The following PCDHGA3 variants were observed in gnomAD, a reference collection of about 807,000 sequenced individuals.
PCDHGA3 encodes the protein protocadherin gamma-A3.
PCDHGA3 carries 40 observed loss-of-function variants against 58.5 expected under a neutral mutation model. That is an observed-to-expected ratio of 0.68 (90% CI 0.53 to 0.89). The LOEUF is 0.89. Among genes scored for constraint, PCDHGA3 ranks in the 40% least tolerant of loss-of-function variants. The pLI, the probability that PCDHGA3 is intolerant of heterozygous loss-of-function variation, is 0.00. For missense variants in PCDHGA3, 1,223 were observed against 1,195.9 expected (o/e 1.02, Z -0.33); for synonymous variants, 530 against 525.7 (o/e 1.01, Z -0.11).
At chr5:141,463,900 C>G (rs879243077) in intron 1 of PCDHGA3, among the ~76,000 whole-genome samples, 4 of 152,168 alleles carry the variant, frequency 2.6e-5, no homozygotes, top group Admixed American at 2.6e-4. Context: ...GCTTTTTGTA[C>G]TAATAATATA....
intron 1 of PCDHGA3, chr5:141,375,127 T>C (rs368439130): frequency 2.5e-6 from 4 of 1,613,808 alleles, no homozygotes; most frequent in African/African-American, 1.3e-5. Flanking sequence ...CAGAAGTGGT[T>C]GTTACATCTG....
At position 141,495,009 on chromosome 5, in the gene PCDHGA3, G is replaced by A; in HGVS notation, c.2483+144G>A. 6 of 1,518,622 alleles carry A rather than the reference G, an allele frequency of 4.0e-6. No homozygotes were observed. The South Asian group carries it at 6.2e-5, about 16-fold the overall frequency. The allele number at this position is 1,518,622 out of a possible 1,614,324, so 94.1% of individuals were successfully genotyped here. ...TCCCAGGGAGGTCTTGGTGTGCGGG[G>A]GGCTGGCACACAGACCCCGGAAGGA... is the stretch of plus-strand genomic sequence containing the variant. On this transcript the variant is annotated intron_variant, in intron 2 of 3. Coordinates refer to ENST00000253812, the MANE Select transcript of PCDHGA3 (RefSeq NM_018916.4).
At chr5:141,418,878 A>G (rs1193526475) in intron 1 of PCDHGA3, 2 of 1,613,930 alleles carry the variant, frequency 1.2e-6, no homozygotes, top group Non-Finnish European at 8.5e-7. Context: ...GTTGTAGACG[A>G]AAACGACAAC....
In PCDHGA3 at chr5:141,489,200, G is replaced by A. The variant is rs1483035320; in HGVS notation, c.2425-5607G>A. The A allele has an allele frequency of 2.8e-6, 4 of 1,412,792 alleles. No individual in the cohort carries two copies. The highest frequency in any genetic ancestry group is 3.9e-6 in the Non-Finnish European group (4 of 1,038,374). The allele number at this position is 1,412,792 out of a possible 1,614,324, so 87.5% of individuals were successfully genotyped here. A position where few individuals can be genotyped will look rare whatever the true frequency, so the allele number is the denominator to read the frequency against. On this transcript the variant is annotated intron_variant, in intron 1 of 3. Coordinates refer to ENST00000253812, the MANE Select transcript of PCDHGA3 (RefSeq NM_018916.4). This position sits in a 1 kb window ranked among gnomAD's most constrained non-coding sequence, Gnocchi z 4.5. ...AAGCCCTGGGTCTACCTTGGAGACAGGACAGCACAGACTTACTCTCCACAA... is the reference window on the plus strand; with the variant it reads ...AAGCCCTGGGTCTACCTTGGAGACAAGACAGCACAGACTTACTCTCCACAA...
chr5:141,413,166 C>A (rs758193163), intron 1 of PCDHGA3: 3 of 1,590,396 alleles, frequency 1.9e-6, no homozygotes, highest in South Asian at 2.3e-5. Flanking sequence ...AATTCTGTAA[C>A]CAGACTACAA....
intron 1 of PCDHGA3, chr5:141,352,508 C>T (rs774085547): frequency 1.2e-6 from 2 of 1,614,022 alleles, no homozygotes; most frequent in Non-Finnish European, 8.5e-7. Flanking sequence ...TTCCTACAAT[C>T]TATGTATTGC....
intron 1 of PCDHGA3, chr5:141,385,051 C>T (rs1222079447): frequency 2.5e-6 from 4 of 1,614,036 alleles, no homozygotes; most frequent in Admixed American, 1.7e-5. Flanking sequence ...CAGGCTGCGG[C>T]GCTGGCACAA....
chr5:141,350,782 C>T (rs1588483338), intron 1 of PCDHGA3: 2 of 1,613,836 alleles, frequency 1.2e-6, no homozygotes, highest in East Asian at 2.2e-5. Flanking sequence ...CCAATCAATA[C>T]TTCTCTCTGT....
intron 1 of PCDHGA3, among the ~76,000 whole-genome samples, chr5:141,472,516 G>T (rs545962540): frequency 2.0e-5 from 3 of 152,072 alleles, no homozygotes; most frequent in Non-Finnish European, 4.4e-5. Flanking sequence ...CTCCAGCCTG[G>T]GTGACAGAGT....
chr5:141,423,832 T>G, intron 1 of PCDHGA3: 113 of 1,253,376 alleles, frequency 9.0e-5, no homozygotes, highest in East Asian at 2.6e-4. Context: ...TTTCATGAGA[T>G]TACGATAATC....
intron 1 of PCDHGA3, among the ~76,000 whole-genome samples, chr5:141,460,951 G>GTATATA (rs200454978): frequency 7.2e-6 from 1 of 139,722 alleles, no homozygotes; most frequent in African/African-American, 2.8e-5. Flanking sequence ...TATGTATTAT[G>GTATATA]TATATATATA....
intron 1 of PCDHGA3, chr5:141,409,276 G>T: frequency 6.2e-7 from 1 of 1,614,000 alleles, no homozygotes; most frequent in Non-Finnish European, 8.5e-7. Flanking sequence ...AGATTTTGGA[G>T]AATTCACCTC....
intron 1 of PCDHGA3, chr5:141,423,883 A>T (rs1211746978): frequency 1.6e-6 from 2 of 1,283,342 alleles, no homozygotes; most frequent in Admixed American, 7.5e-5. Context: ...CAATCTTGGC[A>T]TATTTTCTTT....
chr5:141,489,210 G>C lies in PCDHGA3; in HGVS notation c.2425-5597G>C. ...TCTACCTTGGAGACAGGACAGCACA[G>C]ACTTACTCTCCACAAAGGGACTTCT... On this transcript the variant is annotated intron_variant, in intron 1 of 3. Coordinates refer to ENST00000253812, the MANE Select transcript of PCDHGA3 (RefSeq NM_018916.4). This position sits in a 1 kb window ranked among gnomAD's most constrained non-coding sequence, Gnocchi z 4.5. 6.8e-7 allele frequency: 1 copy of C among 1,461,860 alleles called. No individual in the cohort carries two copies. Among genetic ancestry groups the C allele is most frequent in the African/African-American group, 1.4e-5 (1 of 70,802 alleles). 90.6% of individuals were successfully genotyped at this position (1,461,860 alleles called of 1,614,324 possible).
In PCDHGA3 at chr5:141,471,046, CTTT is replaced by C. The variant is rs1170588345; in HGVS notation, c.2425-23743_2425-23741del. ...ATTTTTATTAACAAGCCCAAGCCCT[CTTT>C]TTTTTTTTTTTTTTTTTGAGACAGG... On this transcript the variant is annotated intron_variant, in intron 1 of 3. Coordinates refer to ENST00000253812, the MANE Select transcript of PCDHGA3 (RefSeq NM_018916.4). 4.8e-4 allele frequency among the ~76,000 whole-genome samples: 54 copies of C among 113,240 alleles called. 1 individual carries two copies. Among genetic ancestry groups the C allele is most frequent in the Middle Eastern group, 5.2e-3 (1 of 192 alleles). 74.3% of individuals were successfully genotyped at this position (113,240 alleles called of 152,430 possible).
At chr5:141,484,863 G>T (rs561595169) in intron 1 of PCDHGA3, 136 of 273,782 alleles carry the variant, frequency 5.0e-4, no homozygotes, top group African/African-American at 2.8e-3. Context: ...GGGGGTGGGG[G>T]AGCGTGGAGG....
chr5:141,389,914 C>G (rs754458764), intron 1 of PCDHGA3: 1 of 1,614,074 alleles, frequency 6.2e-7, no homozygotes, highest in Non-Finnish European at 8.5e-7. Flanking sequence ...ACTGACCGCC[C>G]CGACCCCTCT....
At chr5:141,428,613 C>T (rs1247239314) in intron 1 of PCDHGA3, 1 of 212,608 alleles carries the variant, frequency 4.7e-6, no homozygotes, top group African/African-American at 2.3e-5. Flanking sequence ...AAGAGAATAA[C>T]AAGATAAGCT....
chr5:141,421,443 GAC>G (rs771422215), intron 1 of PCDHGA3: 47 of 1,613,988 alleles, frequency 2.9e-5, no homozygotes, highest in Non-Finnish European at 3.6e-5. Context: ...CCAGAGGGAA[GAC>G]ACAGCTTTTC....
Sources: gnomAD v4.1 joint callset for allele counts (sites outside exome capture counted in the v4.1 genomes callset) on GRCh38, gnomAD v4.1.1 for gene constraint, Gnocchi (gnomAD v3.1) non-coding constraint, MANE v1.5 for transcripts, NCBI Gene and HGNC (gene_info 2026-07-23, HGNC 2026-07-21) for gene names.